HPD: variants seen among roughly 807,000 people sequenced by gnomAD.
HPD encodes 4-hydroxyphenylpyruvate dioxygenase, also known as 4-hydroxyphenylpyruvic acid oxidase.
A neutral mutation model predicts 56.9 loss-of-function variants in HPD; 35 were observed. The ratio of observed to expected loss-of-function variants is 0.62; its 90% CI spans 0.47 to 0.82. The LOEUF (loss-of-function observed/expected upper bound fraction) is 0.82. Among genes scored for constraint, HPD ranks in the 40% least tolerant of loss-of-function variants. The probability of loss-of-function intolerance (pLI) is 0.00; values close to 1 mark genes in which losing one functional copy is unlikely to be tolerated. For missense variants in HPD, 442 were observed against 506.8 expected (o/e 0.87, Z 1.23); for synonymous variants, 186 against 200.2 (o/e 0.93, Z 0.60).
chr12:121,849,761 C>G lies in HPD; in HGVS notation c.444G>C (p.Glu148Asp), dbSNP rs747843990. 6.2e-7 allele frequency: 1 copy of G among 1,613,926 alleles called. No individual in the cohort carries two copies. Among genetic ancestry groups the G allele is most frequent in the East Asian group, 2.2e-5 (1 of 44,878 alleles). Reference protein sequence around the residue: ...TYGDTTHTLVEKMNYIGQFLP... With the variant: ...TYGDTTHTLVDKMNYIGQFLP... ...AGAATTGGCCGATGTAGTTCATCTTCTCCACCAGGGTGTGTGTGGTGTCCC... is the reference window on the plus strand; with the variant it reads ...AGAATTGGCCGATGTAGTTCATCTTGTCCACCAGGGTGTGTGTGGTGTCCC... Residue 148 changes from glutamate to aspartate, a missense_variant, in exon 8 of 14, where the codon GAG becomes GAC. Glu to Asp is a conservative substitution (Grantham distance 45). Transcript: ENST00000289004.
intron 7 of HPD, chr12:121,850,053 C>T: frequency 2.2e-6 from 1 of 459,168 alleles, no homozygotes; most frequent in Non-Finnish European, 4.1e-6. Context: ...AGGGGAGGTA[C>T]TCAATGAAGC....
the HPD span, among the ~76,000 whole-genome samples, chr12:121,878,676 CTTT>C: frequency 6.6e-5 from 9 of 135,454 alleles, no homozygotes; most frequent in Admixed American, 7.5e-5. Flanking sequence ...GTTTTTCGTT[CTTT>C]TTTTTTTTTT....
the HPD span, among the ~76,000 whole-genome samples, chr12:121,881,878 C>T: frequency 2.2e-5 from 3 of 137,338 alleles, 1 homozygote; most frequent in Non-Finnish European, 4.9e-5. Flanking sequence ...GATCTCCTGA[C>T]CTCATGATCC....
At chr12:121,850,276 G>T (rs571863857) in intron 7 of HPD, among the ~76,000 whole-genome samples, 8 of 151,858 alleles carry the variant, frequency 5.3e-5, no homozygotes, top group Non-Finnish European at 8.8e-5. Context: ...CAAAAAATTA[G>T]CCGGGTGTGG....
chr12:121,853,430 C>A (rs1330281823), intron 7 of HPD, among the ~76,000 whole-genome samples: 1 of 149,152 alleles, frequency 6.7e-6, no homozygotes, highest in African/African-American at 2.5e-5. Context: ...AGATCGAGAC[C>A]ATCCTGGATA....
At position 121,847,108 on chromosome 12, in the gene HPD, ACT is replaced by A; in HGVS notation, c.701_702del (p.Glu234ValfsTer8). ...GGCTCATTGATGGGCATCTTGATGG[ACT>A]CTTCATAGTTGGCCACCACAATGGA... ...LRSIVVANYE[E>X]SIKMPINEPA... On this transcript the variant is annotated frameshift_variant, in exon 10 of 14. Transcript: ENST00000289004. LOFTEE classifies it high-confidence loss of function. The A allele has an allele frequency of 6.2e-7, 1 of 1,613,812 alleles. No individual in the cohort carries two copies. Among genetic ancestry groups the A allele is most frequent in the Non-Finnish European group, 8.5e-7 (1 of 1,179,962 alleles).
chr12:121,887,341 T>C, the HPD span, among the ~76,000 whole-genome samples: 1 of 151,872 alleles, frequency 6.6e-6, no homozygotes. Context: ...TATGAGCCAC[T>C]GCACCTGTAT....
the HPD span, among the ~76,000 whole-genome samples, chr12:121,887,612 T>A: frequency 6.6e-6 from 1 of 152,212 alleles, no homozygotes; most frequent in Non-Finnish European, 1.5e-5. Flanking sequence ...CCTCAAATGA[T>A]CTGCTTGCCA....
At chr12:121,850,303 C>T (rs1354248712) in intron 7 of HPD, among the ~76,000 whole-genome samples, 3 of 151,118 alleles carry the variant, frequency 2.0e-5, no homozygotes, top group Admixed American at 6.6e-5. Flanking sequence ...GGCGGGTGCC[C>T]GTAGTCCCAG....
At chr12:121,861,239 G>T (rs2137638520), upstream of HPD, among the ~76,000 whole-genome samples, 1 of 151,928 alleles carries the variant, frequency 6.6e-6, no homozygotes, top group East Asian at 1.9e-4. Context: ...GGGAGGCTGA[G>T]ACAGGAGAAT....
intron 11 of HPD, among the ~76,000 whole-genome samples, chr12:121,844,487 C>A (rs991986566): frequency 6.6e-6 from 1 of 152,010 alleles, no homozygotes; most frequent in Non-Finnish European, 1.5e-5. Context: ...GTGGCTCACG[C>A]CTGTAAGCCC....
chr12:121,866,295 C>T (rs1471090325), upstream of HPD, among the ~76,000 whole-genome samples: 4 of 134,990 alleles, frequency 3.0e-5, no homozygotes, highest in South Asian at 2.3e-4. Flanking sequence ...AGCGAGACTC[C>T]GCCTCAAAAA....
chr12:121,847,001 C>G, intron 10 of HPD, 51 bp downstream of exon 10: 2 of 1,612,176 alleles, frequency 1.2e-6, no homozygotes, highest in South Asian at 2.2e-5. Flanking sequence ...CCTACAAGAG[C>G]CCCCAGACCT....
At chr12:121,843,859 C>A (rs947401810) in intron 11 of HPD, 27 bp from the exon 12 acceptor site, 1 of 1,613,810 alleles carries the variant, frequency 6.2e-7, no homozygotes, top group South Asian at 1.1e-5. Context: ...CTGAGGTCAG[C>A]CTTCGGCCTC....
At chr12:121,843,617 G>A (rs1877476157) in intron 12 of HPD, 93 bp downstream of exon 12, 19 of 1,467,198 alleles carry the variant, frequency 1.3e-5, no homozygotes, top group Non-Finnish European at 1.8e-5. Flanking sequence ...ACTTGGTCTG[G>A]GCTCCCCTCC....
the HPD span, among the ~76,000 whole-genome samples, chr12:121,887,381 G>A: frequency 6.6e-6 from 1 of 151,730 alleles, no homozygotes; most frequent in African/African-American, 2.4e-5. Flanking sequence ...GATAATGTTA[G>A]AAATGTTAGT....
intron 11 of HPD, among the ~76,000 whole-genome samples, chr12:121,845,964 A>G (rs1877570577): frequency 6.6e-6 from 1 of 152,132 alleles, no homozygotes; most frequent in Admixed American, 6.5e-5. Context: ...AAGTGGCTCA[A>G]TCATAGCTAA....
At chr12:121,869,457 G>C in the HPD span, among the ~76,000 whole-genome samples, 1 of 151,578 alleles carries the variant, frequency 6.6e-6, no homozygotes, top group African/African-American at 2.4e-5. Flanking sequence ...AAAGTACTGG[G>C]ATTATAGTCA....
intron 12 of HPD, 130 bp downstream of exon 12, chr12:121,843,580 T>C: frequency 9.7e-7 from 1 of 1,027,322 alleles, no homozygotes; most frequent in East Asian, 2.6e-5. Context: ...ACATAGACCC[T>C]AGAATAAATG....
Sources: gnomAD v4.1 joint callset for allele counts (sites outside exome capture counted in the v4.1 genomes callset) on GRCh38, gnomAD v4.1.1 for gene constraint, MANE v1.5 for transcripts, NCBI Gene and HGNC (gene_info 2026-07-23, HGNC 2026-07-21) for gene names.